The following ABCA8 variants were observed in gnomAD, a reference collection of about 807,000 sequenced individuals.
The protein encoded by ABCA8 is ATP binding cassette subfamily A member 8, also known as ABC-type organic anion transporter ABCA8.
In ABCA8, 177 loss-of-function variants were observed where a neutral mutation model predicts 192.3. The ratio of observed to expected loss-of-function variants is 0.92; its 90% CI spans 0.81 to 1.04. The LOEUF (loss-of-function observed/expected upper bound fraction) is 1.04, where lower values mean the gene tolerates loss of function less well. Among genes scored for constraint, ABCA8 ranks in the 50% least tolerant of loss-of-function variants. ABCA8 has a pLI of 0.00. For missense variants in ABCA8, 1,915 were observed against 1,904.8 expected (o/e 1.01, Z -0.10); for synonymous variants, 642 against 690.2 (o/e 0.93, Z 1.09).
At chr17:68,937,152 T>A in intron 4 of ABCA8, 37 bp from the exon 5 acceptor site, 1 of 1,525,258 alleles carries the variant, frequency 6.6e-7, no homozygotes, top group Non-Finnish European at 8.8e-7. Context: ...GTTAGTAAAT[T>A]ACTAGGAGAC....
At chr17:68,912,991 T>C (rs2067261943) in intron 17 of ABCA8, among the ~76,000 whole-genome samples, 2 of 152,166 alleles carry the variant, frequency 1.3e-5, no homozygotes, top group South Asian at 2.1e-4. Flanking sequence ...GGATACACGA[T>C]ATGCTAGCCA....
chr17:68,877,007 T>C (rs1355032011), intron 33 of ABCA8, among the ~76,000 whole-genome samples: 2 of 152,102 alleles, frequency 1.3e-5, no homozygotes, highest in Non-Finnish European at 2.9e-5. Context: ...TAAATTTTAT[T>C]ATTATTATTT....
At chr17:68,912,623 G>A (rs1261445686) in intron 17 of ABCA8, among the ~76,000 whole-genome samples, 1 of 151,994 alleles carries the variant, frequency 6.6e-6, no homozygotes, top group Non-Finnish European at 1.5e-5. Context: ...TGAATTCCAA[G>A]ACAAAAACCA....
At chr17:68,921,326 T>C in intron 13 of ABCA8, 56 bp downstream of exon 13, 1 of 1,289,778 alleles carries the variant, frequency 7.8e-7, no homozygotes, top group South Asian at 1.3e-5. Context: ...GTTGTGCACA[T>C]GTACCCTAAA....
At chr17:68,910,530 G>C (rs774761888) in intron 17 of ABCA8, among the ~76,000 whole-genome samples, 5 of 152,100 alleles carry the variant, frequency 3.3e-5, no homozygotes, top group Non-Finnish European at 7.4e-5. Flanking sequence ...GAAATTCCTG[G>C]GCAAGTCCTG....
chr17:68,907,889 A>AT lies in ABCA8; in HGVS notation c.2139-11_2139-10insA. ...TTCATTTAACTGCAAGCTGGCATTC[A>AT]GAAAAAAAAAAAAAGACATATGTTA... On this transcript the variant is annotated splice_polypyrimidine_tract_variant and intron_variant, in intron 17 of 39. Coordinates refer to ENST00000586539, the MANE Select transcript of ABCA8 (RefSeq NM_001288985.2). 6.5e-7 allele frequency: 1 copy of AT among 1,538,112 alleles called. No homozygotes were observed. The highest frequency in any genetic ancestry group is 8.7e-7 in the Non-Finnish European group (1 of 1,155,852).
chr17:68,899,044 G>A (rs912132497), intron 21 of ABCA8, among the ~76,000 whole-genome samples: 2 of 151,946 alleles, frequency 1.3e-5, no homozygotes, highest in African/African-American at 2.4e-5. Flanking sequence ...AAAATAAGAT[G>A]TACATTCTAG....
chr17:68,946,203 G>T (rs977773467), intron 2 of ABCA8, among the ~76,000 whole-genome samples: 12 of 151,988 alleles, frequency 7.9e-5, no homozygotes, highest in Admixed American at 2.6e-4. Flanking sequence ...AAGTAGCAGG[G>T]ACTACAGGCG....
At chr17:68,907,658 A>C in intron 18 of ABCA8, 82 bp downstream of exon 18, 1 of 1,252,706 alleles carries the variant, frequency 8.0e-7, no homozygotes, top group Non-Finnish European at 1.1e-6. Context: ...AGACATTGAT[A>C]AATGTTAGTT....
At position 68,933,176 on chromosome 17, in the gene ABCA8, T is replaced by C. The variant is rs774196400; in HGVS notation, c.562A>G (p.Ile188Val). 28 of 1,608,982 alleles carry C rather than the reference T, an allele frequency of 1.7e-5. No individual in the cohort carries two copies. Among genetic ancestry groups the C allele is most frequent in the African/African-American group, 6.7e-5 (5 of 74,768 alleles). Residue 188 changes from isoleucine (I) to valine (V), a missense_variant, in exon 6 of 40, where the codon ATT (isoleucine) becomes GTT (valine). Coordinates refer to ENST00000586539, the MANE Select transcript of ABCA8 (RefSeq NM_001288985.2). ...VALQAAINAA[I>V]IEITTNHSVM... is the part of the protein sequence containing the mutation. ...GAACATTTTGTACTCACTTCTATAA[T>C]AGCAGCATTAATGGCAGCTTGAAGA...
intron 21 of ABCA8, among the ~76,000 whole-genome samples, chr17:68,900,017 A>G (rs549806460): frequency 5.9e-5 from 9 of 152,296 alleles, no homozygotes; most frequent in African/African-American, 1.9e-4. Flanking sequence ...ATCTCAAACC[A>G]GTGAGTGAAA....
Position 68,932,390 on chromosome 17 carries a change from G to T in ABCA8, c.695C>A (p.Ser232Ter). The stretch of plus-strand genomic sequence containing the variant: ...TGCATAGTAAATGAATGAGGAAAAT[G>T]AAATAATGCAGGAAAAAAGGTACAA... The part of the protein sequence containing the change: ...TDLYLFSCII[S>*]FSSFIYYASV... The change falls in exon 7 of 40, where the codon TCA (serine) becomes TAA (stop). Residue 232 changes from serine (S) to a stop codon, truncating the protein, a stop_gained. Transcript: ENST00000586539. LOFTEE classifies it high-confidence loss of function. 6.2e-7 allele frequency: 1 copy of T among 1,613,888 alleles called. No homozygotes were observed.
At chr17:68,910,403 G>A (rs775601365) in intron 17 of ABCA8, among the ~76,000 whole-genome samples, 55 of 152,202 alleles carry the variant, frequency 3.6e-4, no homozygotes, top group African/African-American at 1.1e-3. Context: ...GGCAGAATTC[G>A]GCCACTGCCC....
At chr17:68,913,270 T>C (rs755123445) in intron 17 of ABCA8, among the ~76,000 whole-genome samples, 15 of 152,080 alleles carry the variant, frequency 9.9e-5, no homozygotes, top group Non-Finnish European at 2.1e-4. Flanking sequence ...GGAGAATTTA[T>C]AGCAATAAGT....
chr17:68,895,101 G>T, intron 21 of ABCA8, 88 bp from the exon 22 acceptor site: 1 of 1,180,858 alleles, frequency 8.5e-7, no homozygotes, highest in South Asian at 2.2e-5. Flanking sequence ...ATGTCATTAT[G>T]TGAAGCAGTA....
chr17:68,923,631 A>G (rs2067608638), intron 11 of ABCA8, among the ~76,000 whole-genome samples: 1 of 152,226 alleles, frequency 6.6e-6, no homozygotes, highest in African/African-American at 2.4e-5. Context: ...AAATAAAGCC[A>G]CTGTTTTGCT....
chr17:68,887,291 A>G (rs1271184658), intron 25 of ABCA8, 45 bp downstream of exon 25: 5 of 1,509,828 alleles, frequency 3.3e-6, no homozygotes, highest in Non-Finnish European at 4.5e-6. Flanking sequence ...TAAATCACAC[A>G]ATGATATTGT....
At chr17:68,877,843 G>T in intron 32 of ABCA8, 164 bp from the exon 33 acceptor site, 1 of 637,490 alleles carries the variant, frequency 1.6e-6, no homozygotes, top group South Asian at 3.8e-5. Flanking sequence ...TTGTCAGAGA[G>T]CAAATACAGG....
At chr17:68,920,268 G>A (rs1237206810) in intron 13 of ABCA8, among the ~76,000 whole-genome samples, 1 of 152,118 alleles carries the variant, frequency 6.6e-6, no homozygotes, top group Non-Finnish European at 1.5e-5. Flanking sequence ...AGGGTTGCAG[G>A]AGGGAGAGGA....
Sources: gnomAD v4.1 joint callset for allele counts (sites outside exome capture counted in the v4.1 genomes callset) on GRCh38, gnomAD v4.1.1 for gene constraint, MANE v1.5 for transcripts, NCBI Gene and HGNC (gene_info 2026-07-23, HGNC 2026-07-21) for gene names.